CAMK1D: variants seen among roughly 807,000 people sequenced by gnomAD.
The protein encoded by CAMK1D is calcium/calmodulin dependent protein kinase ID, also known as calcium/calmodulin-dependent protein kinase type 1D.
Under a neutral mutation model 47.7 loss-of-function variants are expected in CAMK1D, and 9 were observed. The ratio of observed to expected loss-of-function variants is 0.19; its 90% CI spans 0.11 to 0.33. The LOEUF is 0.33. Among genes scored for constraint, CAMK1D ranks in the 10% least tolerant of loss-of-function variants. CAMK1D has a pLI of 1.00. For missense variants in CAMK1D, 291 were observed against 488.7 expected (o/e 0.60, Z 3.81); for synonymous variants, 184 against 184.9 (o/e 0.99, Z 0.04).
intron 2 of CAMK1D, among the ~76,000 whole-genome samples, chr10:12,598,477 C>T (rs2132380916): frequency 6.6e-6 from 1 of 152,330 alleles, no homozygotes; most frequent in South Asian, 2.1e-4. Flanking sequence ...TACTGGGCAG[C>T]ATTTTCCATA....
rs568822270 is a variant in CAMK1D, at chr10:12,692,786, T to C, written c.299+25976T>C. Among the ~76,000 whole-genome samples, 6 of 152,298 alleles carry C rather than the reference T, an allele frequency of 3.9e-5. No homozygotes were observed. In the South Asian group the frequency reaches 1.2e-3, roughly 32 times the overall value. On this transcript the variant is annotated intron_variant, in intron 3 of 10. Coordinates refer to ENST00000619168, the MANE Select transcript of CAMK1D (RefSeq NM_153498.4). ...AAGTCAGACAAAGGACATAAACAAT[T>C]CCCAGGAAAGAAATTCATTGATTCT... is the stretch of plus-strand genomic sequence containing the variant.
intron 1 of CAMK1D, among the ~76,000 whole-genome samples, chr10:12,427,714 T>TTTTTTTTTG (rs1840295843): frequency 8.5e-6 from 1 of 117,462 alleles, no homozygotes; most frequent in African/African-American, 3.1e-5. Flanking sequence ...TTTTTTTTTT[T>TTTTTTTTTG]TTTTTTTTTT....
At chr10:12,636,539 G>T (rs1484693701) in intron 2 of CAMK1D, among the ~76,000 whole-genome samples, 2 of 152,068 alleles carry the variant, frequency 1.3e-5, no homozygotes, top group African/African-American at 2.4e-5. Flanking sequence ...TGTTGCCCAG[G>T]CTGGCCTCAA....
chr10:12,559,912 C>A (rs1302357551), intron 2 of CAMK1D, among the ~76,000 whole-genome samples: 1 of 152,090 alleles, frequency 6.6e-6, no homozygotes, highest in Non-Finnish European at 1.5e-5. Flanking sequence ...CCCTGAAATC[C>A]CTGGGGCCGA....
At chr10:12,588,008 C>T (rs905522014) in intron 2 of CAMK1D, among the ~76,000 whole-genome samples, 2 of 151,668 alleles carry the variant, frequency 1.3e-5, no homozygotes, top group African/African-American at 4.8e-5. Context: ...TGTGGGAGCA[C>T]TTGAATATTA....
chr10:12,355,716 C>T (rs1379200144), intron 1 of CAMK1D, among the ~76,000 whole-genome samples: 1 of 152,132 alleles, frequency 6.6e-6, no homozygotes, highest in Non-Finnish European at 1.5e-5. Flanking sequence ...ATTCCCCAGT[C>T]CTCTTGTTTT....
At chr10:12,700,813 G>A (rs1833489557) in intron 3 of CAMK1D, among the ~76,000 whole-genome samples, 1 of 152,150 alleles carries the variant, frequency 6.6e-6, no homozygotes, top group Non-Finnish European at 1.5e-5. Flanking sequence ...CCACAAAATT[G>A]CCACAAGTAT....
chr10:12,792,416 C>G (rs924018063), intron 6 of CAMK1D, among the ~76,000 whole-genome samples: 1 of 152,204 alleles, frequency 6.6e-6, no homozygotes, highest in Non-Finnish European at 1.5e-5. Flanking sequence ...CAACTTGTTT[C>G]TGCAATTGCT....
chr10:12,448,773 C>T (rs1390515923), intron 1 of CAMK1D, among the ~76,000 whole-genome samples: 5 of 152,132 alleles, frequency 3.3e-5, no homozygotes, highest in Non-Finnish European at 5.9e-5. Flanking sequence ...AAATTATCCC[C>T]GGACCATTCC....
intron 1 of CAMK1D, among the ~76,000 whole-genome samples, chr10:12,402,988 C>T (rs982759966): frequency 3.3e-5 from 5 of 151,938 alleles, no homozygotes; most frequent in African/African-American, 1.2e-4. Flanking sequence ...AATACGGCTC[C>T]AGGATTATAA....
chr10:12,511,685 T>C (rs913104295), intron 1 of CAMK1D, among the ~76,000 whole-genome samples: 1 of 152,224 alleles, frequency 6.6e-6, no homozygotes, highest in African/African-American at 2.4e-5. Context: ...AATCTTTGGG[T>C]GATGCCCAGA....
At chr10:12,633,855 C>T (rs908448204) in intron 2 of CAMK1D, among the ~76,000 whole-genome samples, 3 of 152,182 alleles carry the variant, frequency 2.0e-5, no homozygotes, top group African/African-American at 7.2e-5. Flanking sequence ...ACTTTCCCAG[C>T]CAGGAGTTAC....
At chr10:12,673,650 G>A (rs1340568744) in intron 3 of CAMK1D, among the ~76,000 whole-genome samples, 1 of 152,164 alleles carries the variant, frequency 6.6e-6, no homozygotes, top group Non-Finnish European at 1.5e-5. Context: ...TAAGTATTAG[G>A]TGTATTTTAA....
intron 1 of CAMK1D, among the ~76,000 whole-genome samples, chr10:12,544,194 TTTTA>T (rs1214630329): frequency 6.6e-6 from 1 of 152,240 alleles, no homozygotes; most frequent in Non-Finnish European, 1.5e-5. Context: ...AAGATTAAAT[TTTTA>T]TTTGACTTTT....
chr10:12,353,392 G>A (rs1223602731), intron 1 of CAMK1D, among the ~76,000 whole-genome samples: 1 of 152,154 alleles, frequency 6.6e-6, no homozygotes, highest in Admixed American at 6.5e-5. Flanking sequence ...GGCTGGAGGA[G>A]CACTCATTTT....
intron 3 of CAMK1D, among the ~76,000 whole-genome samples, chr10:12,723,720 A>T (rs866200003): frequency 2.0e-5 from 3 of 152,180 alleles, no homozygotes; most frequent in South Asian, 2.1e-4. Flanking sequence ...TTAAAACTCT[A>T]TTAGCAGGTT....
At chr10:12,438,252 G>T (rs1258824457) in intron 1 of CAMK1D, among the ~76,000 whole-genome samples, 2 of 152,074 alleles carry the variant, frequency 1.3e-5, no homozygotes, top group African/African-American at 2.4e-5. Context: ...CTTGAGCTTG[G>T]GACCTTTTCC....
chr10:12,811,010 G>C (rs1015308358), intron 6 of CAMK1D, among the ~76,000 whole-genome samples: 1 of 152,254 alleles, frequency 6.6e-6, no homozygotes, highest in Non-Finnish European at 1.5e-5. Context: ...AAGACAGTAA[G>C]ATGTAAGAGT....
chr10:12,465,685 G>A (rs771537729), intron 1 of CAMK1D, among the ~76,000 whole-genome samples: 3 of 152,164 alleles, frequency 2.0e-5, no homozygotes, highest in Non-Finnish European at 4.4e-5. Context: ...AAGCATCAAA[G>A]AGGTAATGTT....
Sources: allele counts gnomAD v4.1 joint callset (sites outside exome capture counted in the v4.1 genomes callset), GRCh38; gene constraint gnomAD v4.1.1; transcripts MANE v1.5; gene names NCBI Gene and HGNC (gene_info 2026-07-23, HGNC 2026-07-21).